The following RBFOX1 variants were observed in gnomAD, a reference collection of about 807,000 sequenced individuals.
RBFOX1 encodes the protein RNA binding protein fox-1 homolog 1.
In RBFOX1, 8 loss-of-function variants were observed where a neutral mutation model predicts 57.7. The observed-to-expected ratio is 0.14, with a 90% confidence interval of 0.08 to 0.25. The LOEUF (loss-of-function observed/expected upper bound fraction) is 0.25. Ranked by LOEUF, RBFOX1 falls within the 10% of genes least tolerant of loss-of-function variation. The pLI, the probability that RBFOX1 is intolerant of heterozygous loss-of-function variation, is 1.00. For synonymous variants in RBFOX1, 326 were observed against 222.4 expected, an observed-to-expected ratio of 1.47 and a Z score of -4.15; for missense variants, 611 against 548.5, an observed-to-expected ratio of 1.11 and a Z score of -1.14.
intron 1 of RBFOX1, among the ~76,000 whole-genome samples, chr16:6,139,282 G>A (rs764156347): frequency 6.6e-6 from 1 of 152,102 alleles, no homozygotes; most frequent in Admixed American, 6.6e-5. Flanking sequence ...TGAGTGATAC[G>A]ATCGTTTCAG....
At position 5,687,852 on chromosome 16, in the gene RBFOX1, C is replaced by A. The variant is rs75994222; in HGVS notation, c.318+88891C>A. 3.3e-4 allele frequency among the ~76,000 whole-genome samples: 51 copies of A among 152,256 alleles called. No individual in the cohort carries two copies. In the East Asian group the frequency reaches 4.4e-3, roughly 13 times the overall value. On this transcript the variant is annotated intron_variant, in intron 3 of 19. Transcript: ENST00000641259. ...GGACGTTTTATATTTTAAAAAGTTA[C>A]ATTTGTGGTTGGCATCCCCTGTGTA...
intron 4 of RBFOX1, among the ~76,000 whole-genome samples, chr16:7,132,124 G>C (rs915406316): frequency 1.3e-5 from 2 of 151,546 alleles, no homozygotes; most frequent in Middle Eastern, 3.4e-3. Context: ...GGAATTACAG[G>C]CACCTTCCAC....
At chr16:5,707,610 T>C (rs1469431384) in intron 3 of RBFOX1, among the ~76,000 whole-genome samples, 1 of 152,242 alleles carries the variant, frequency 6.6e-6, no homozygotes, top group Non-Finnish European at 1.5e-5. Context: ...AAAGGCACAG[T>C]TTCCAGGGAA....
intron 11 of RBFOX1, among the ~76,000 whole-genome samples, chr16:7,647,844 T>G (rs1232140113): frequency 6.6e-6 from 1 of 152,180 alleles, no homozygotes; most frequent in African/African-American, 2.4e-5. Context: ...TCCAGACATC[T>G]AAACTAGGAT....
intron 2 of RBFOX1, among the ~76,000 whole-genome samples, chr16:6,630,517 A>G (rs1351207049): frequency 6.6e-6 from 1 of 152,158 alleles, no homozygotes; most frequent in Non-Finnish European, 1.5e-5. Flanking sequence ...TCGTACTTAA[A>G]ACAGCCTGAT....
chr16:7,375,256 C>G (rs1162726352), intron 4 of RBFOX1, among the ~76,000 whole-genome samples: 1 of 152,158 alleles, frequency 6.6e-6, no homozygotes, highest in Non-Finnish European at 1.5e-5. Context: ...AGTCTGTATT[C>G]AAAGACAGGA....
intron 1 of RBFOX1, among the ~76,000 whole-genome samples, chr16:5,302,789 C>T (rs945620707): frequency 2.0e-5 from 3 of 152,164 alleles, no homozygotes; most frequent in Non-Finnish European, 2.9e-5. Context: ...AAAAGTGTTT[C>T]CCGCCTTTTT....
rs989301194 is a variant in RBFOX1 at position 6,570,609 on chromosome 16, C to CT, written c.-63-83987dup. On this transcript the variant is annotated intron_variant, in intron 2 of 15. Coordinates refer to ENST00000550418, the MANE Select transcript of RBFOX1 (RefSeq NM_018723.4). ...TTTTATTGTTTATCTGTATCTCTAG[C>CT]TTTTTTTAACAGCATATAAAGACAA... Among the ~76,000 whole-genome samples the CT allele has an allele frequency of 4.6e-5, 7 of 152,116 alleles. No individual in the cohort carries two copies. The East Asian group carries it at 7.7e-4, about 17-fold the overall frequency.
chr16:5,713,234 G>A (rs549567450), intron 3 of RBFOX1, among the ~76,000 whole-genome samples: 2 of 152,156 alleles, frequency 1.3e-5, no homozygotes, highest in African/African-American at 4.8e-5. Flanking sequence ...CGAGGCCAAA[G>A]GTACTTCAAA....
At chr16:5,634,137 C>T (rs2048608225) in intron 3 of RBFOX1, among the ~76,000 whole-genome samples, 1 of 152,236 alleles carries the variant, frequency 6.6e-6, no homozygotes, top group Non-Finnish European at 1.5e-5. Context: ...GGCCTCACTT[C>T]TTTGCACATA....
At position 7,042,296 on chromosome 16, in the gene RBFOX1, G is replaced by A. The variant is rs185922322; in HGVS notation, c.-15-9761G>A. ...CGCAGATTGGGGAGGAGGGCTAACA[G>A]TGTAGGTATCCATGGTTTTGTTTGG... On this transcript the variant is annotated intron_variant, in intron 3 of 15. Coordinates refer to ENST00000550418, the MANE Select transcript of RBFOX1 (RefSeq NM_018723.4). 9.8e-4 allele frequency among the ~76,000 whole-genome samples: 150 copies of A among 152,318 alleles called. 4 individuals are homozygous for A. The South Asian group carries it at 0.029, about 30-fold the overall frequency.
chr16:6,464,305 T>A (rs75810777), intron 2 of RBFOX1, among the ~76,000 whole-genome samples: 1 of 152,280 alleles, frequency 6.6e-6, no homozygotes, highest in Non-Finnish European at 1.5e-5. Context: ...GAATAATCTT[T>A]GAAGAGCTGC....
At chr16:7,529,952 T>G (rs1483486447) in intron 5 of RBFOX1, among the ~76,000 whole-genome samples, 1 of 142,708 alleles carries the variant, frequency 7.0e-6, no homozygotes, top group Non-Finnish European at 1.5e-5. Flanking sequence ...GAGGTTGCAG[T>G]GAGCTGAGAT....
intron 4 of RBFOX1, among the ~76,000 whole-genome samples, chr16:7,448,734 C>G (rs1386464667): frequency 6.6e-6 from 1 of 152,154 alleles, no homozygotes; most frequent in Non-Finnish European, 1.5e-5. Flanking sequence ...CTGCATTACT[C>G]CAATCTCTGC....
At chr16:7,344,637 G>A (rs2096960245) in intron 4 of RBFOX1, among the ~76,000 whole-genome samples, 1 of 151,734 alleles carries the variant, frequency 6.6e-6, no homozygotes, top group Non-Finnish European at 1.5e-5. Context: ...TACTCCATTG[G>A]GGATTTTTTC....
At chr16:7,007,592 C>G (rs1476233888) in intron 3 of RBFOX1, among the ~76,000 whole-genome samples, 5 of 152,178 alleles carry the variant, frequency 3.3e-5, no homozygotes, top group Non-Finnish European at 7.3e-5. Context: ...CTCCCATCCT[C>G]CAGCCATCTT....
At chr16:7,457,047 C>T (rs2058669232) in intron 4 of RBFOX1, among the ~76,000 whole-genome samples, 1 of 152,044 alleles carries the variant, frequency 6.6e-6, no homozygotes. Context: ...ACCACCACGC[C>T]CGGCTAATTT....
chr16:7,048,407 G>A (rs1258953816), intron 3 of RBFOX1, among the ~76,000 whole-genome samples: 2 of 151,734 alleles, frequency 1.3e-5, no homozygotes, highest in East Asian at 1.9e-4. Context: ...CTACAGTCGC[G>A]TGTCGCCACA....
At chr16:6,316,236 T>C (rs1322674038) in intron 1 of RBFOX1, among the ~76,000 whole-genome samples, 4 of 152,142 alleles carry the variant, frequency 2.6e-5, no homozygotes, top group Non-Finnish European at 4.4e-5. Flanking sequence ...CTCTTGATTT[T>C]TCTGGTAGGA....
Sources: gnomAD v4.1 joint callset for allele counts (sites outside exome capture counted in the v4.1 genomes callset) on GRCh38, gnomAD v4.1.1 for gene constraint, MANE v1.5 for transcripts, NCBI Gene and HGNC (gene_info 2026-07-23, HGNC 2026-07-21) for gene names.